Variants in INTS6 observed in about 807,000 individuals in gnomAD.
INTS6 encodes the protein DEAD box protein.
In INTS6, 16 loss-of-function variants were observed where a neutral mutation model predicts 104.9. The observed-to-expected ratio is 0.15, with a 90% CI of 0.10 to 0.23. The LOEUF (loss-of-function observed/expected upper bound fraction) is 0.23. Ranked by LOEUF, INTS6 falls within the 10% of genes least tolerant of loss-of-function variation. The probability of loss-of-function intolerance (pLI) is 1.00; values close to 1 mark genes in which losing one functional copy is unlikely to be tolerated. For synonymous variants in INTS6, 324 were observed against 358.7 expected, an observed-to-expected ratio of 0.90 and a Z score of 1.09; for missense variants, 584 against 1,062.8, an observed-to-expected ratio of 0.55 and a Z score of 6.26.
chr13:51,389,263 A>G, intron 6 of INTS6, 56 bp downstream of exon 6: 2 of 1,578,016 alleles, frequency 1.3e-6, no homozygotes, highest in Non-Finnish European at 1.7e-6. Context: ...TTTCAGTTCT[A>G]GTTGAATAAA....
chr13:51,353,118 T>C (rs1446101525), downstream of INTS6, among the ~76,000 whole-genome samples: 3 of 152,200 alleles, frequency 2.0e-5, no homozygotes, highest in Non-Finnish European at 4.4e-5. Context: ...GTTATTTTTG[T>C]AGCATTTCTG....
chr13:51,411,081 C>T (rs528562917), intron 4 of INTS6, among the ~76,000 whole-genome samples: 6 of 151,522 alleles, frequency 4.0e-5, no homozygotes, highest in Admixed American at 2.0e-4. Flanking sequence ...GGTGTGGTGG[C>T]GGGTGCCCGT....
intron 3 of INTS6, among the ~76,000 whole-genome samples, chr13:51,431,031 T>G (rs1593756047): frequency 6.6e-6 from 1 of 151,978 alleles, no homozygotes; most frequent in Non-Finnish European, 1.5e-5. Context: ...TGGAACAGAG[T>G]AGCACGGGTT....
chr13:51,341,180 A>G, the INTS6 span: 65 of 1,613,890 alleles, frequency 4.0e-5, no homozygotes, highest in Non-Finnish European at 5.3e-5. Flanking sequence ...ACATTGCTGA[A>G]GACTGAGTTT....
the INTS6 span, chr13:51,341,423 T>C: frequency 1.6e-6 from 2 of 1,279,414 alleles, no homozygotes; most frequent in Admixed American, 4.1e-5. Context: ...ACCCTCCTGC[T>C]CACACTCACA....
intron 3 of INTS6, chr13:51,450,560 C>T (rs756039505): frequency 4.8e-5 from 47 of 985,318 alleles, no homozygotes; most frequent in Admixed American, 6.1e-5. Flanking sequence ...CAGTGAAAAA[C>T]TTCTTACCTT....
At chr13:51,403,814 T>G (rs188558357) in intron 4 of INTS6, among the ~76,000 whole-genome samples, 55 of 152,032 alleles carry the variant, frequency 3.6e-4, no homozygotes, top group Middle Eastern at 3.4e-3. Flanking sequence ...CCACAGTATT[T>G]GTCATATGAA....
intron 7 of INTS6, chr13:51,384,853 G>C: frequency 2.7e-6 from 1 of 364,520 alleles, no homozygotes; most frequent in South Asian, 2.1e-5. Context: ...CTTTAATTTG[G>C]GCCTTCATCA....
intron 3 of INTS6, among the ~76,000 whole-genome samples, chr13:51,354,550 G>A (rs1168233574): frequency 2.0e-5 from 3 of 151,002 alleles, no homozygotes; most frequent in Non-Finnish European, 2.9e-5. Context: ...GAGGCCAGAA[G>A]TTTGAGTCCA....
intron 5 of INTS6, among the ~76,000 whole-genome samples, chr13:51,393,593 T>C (rs1409877717): frequency 1.3e-5 from 2 of 152,158 alleles, no homozygotes; most frequent in Non-Finnish European, 2.9e-5. Flanking sequence ...CTCTTATTGC[T>C]AGTAAGAGCA....
chr13:51,407,931 C>T lies in INTS6; in HGVS notation c.430-12448G>A, dbSNP rs371263622. On this transcript the variant is annotated intron_variant, in intron 4 of 17. Coordinates refer to ENST00000311234, the MANE Select transcript of INTS6 (RefSeq NM_012141.3). ...ACTCGGGAGGCTGAGGCTGGAGAAT[C>T]GCTTGAACCCAAGAGGCAGAGGTTG... Among the ~76,000 whole-genome samples the T allele has an allele frequency of 3.3e-5, 5 of 150,122 alleles. No individual in the cohort carries two copies. The South Asian group carries it at 8.5e-4, about 25-fold the overall frequency.
chr13:51,410,146 C>T (rs965011370), intron 4 of INTS6, among the ~76,000 whole-genome samples: 5 of 152,150 alleles, frequency 3.3e-5, no homozygotes, highest in Admixed American at 6.5e-5. Flanking sequence ...TAAAAAGTGT[C>T]ATTTTTCCCT....
chr13:51,358,157 T>C (rs1469218591), downstream of INTS6, among the ~76,000 whole-genome samples: 1 of 152,084 alleles, frequency 6.6e-6, no homozygotes, highest in Admixed American at 6.6e-5. Flanking sequence ...GGGTGCTATG[T>C]GTTTCTCTCT....
At chr13:51,348,316 C>G in the INTS6 span, 5 of 1,613,750 alleles carry the variant, frequency 3.1e-6, no homozygotes, top group Non-Finnish European at 4.2e-6. Context: ...ACAAAGACAC[C>G]CCCCTGAGCC....
intron 4 of INTS6, among the ~76,000 whole-genome samples, chr13:51,418,861 C>G (rs1480147755): frequency 6.6e-6 from 1 of 152,038 alleles, no homozygotes; most frequent in East Asian, 1.9e-4. Context: ...ATGTGTTCAA[C>G]GAGTTTTAGT....
rs564941311 is a variant in INTS6, at chr13:51,401,090, T to C, written c.430-5607A>G. 1.1e-4 allele frequency among the ~76,000 whole-genome samples: 17 copies of C among 152,286 alleles called. No homozygotes were observed. The South Asian group carries it at 3.5e-3, about 32-fold the overall frequency. On this transcript the variant is annotated intron_variant, in intron 4 of 17. Transcript: ENST00000311234. ...CAAAACCAAAGACAAGAAAACTTCC[T>C]ATATGCCTCAACTGAACAAGAGAAA...
chr13:51,347,021 G>A, the INTS6 span: 5 of 1,570,210 alleles, frequency 3.2e-6, no homozygotes, highest in East Asian at 9.4e-5. Context: ...TTTCCTGCTT[G>A]CAGGTGGGGG....
the INTS6 span, among the ~76,000 whole-genome samples, chr13:51,346,573 T>C: frequency 6.6e-6 from 1 of 152,206 alleles, no homozygotes; most frequent in African/African-American, 2.4e-5. Context: ...GATGACTCAC[T>C]GCCCCCACCT....
intron 3 of INTS6, among the ~76,000 whole-genome samples, chr13:51,433,384 GT>G (rs1297568486): frequency 1.3e-5 from 2 of 152,210 alleles, no homozygotes; most frequent in Non-Finnish European, 2.9e-5. Context: ...GAAGGTGGAG[GT>G]TGCAGTGAGT....
Sources: allele counts gnomAD v4.1 joint callset (sites outside exome capture counted in the v4.1 genomes callset), GRCh38; gene constraint gnomAD v4.1.1; transcripts MANE v1.5; gene names NCBI Gene and HGNC (gene_info 2026-07-23, HGNC 2026-07-21).